DYNLT2B: variants seen among roughly 807,000 people sequenced by gnomAD.
DYNLT2B encodes the protein dynein light chain Tctex-type protein 2B.
In DYNLT2B, 14 loss-of-function variants were observed where a neutral mutation model predicts 19.5. The ratio of observed to expected loss-of-function variants is 0.72; its 90% CI spans 0.47 to 1.12. The LOEUF (loss-of-function observed/expected upper bound fraction) is 1.12. Ranked by LOEUF, DYNLT2B falls within the 50% of genes most tolerant of loss-of-function variation. The probability of loss-of-function intolerance (pLI) is 0.00; values close to 1 mark genes in which losing one functional copy is unlikely to be tolerated. For missense variants in DYNLT2B, 133 were observed against 174.7 expected (o/e 0.76, Z 1.35); for synonymous variants, 70 against 59.7 (o/e 1.17, Z -0.79).
In DYNLT2B at chr3:196,296,013, A is replaced by C; in HGVS notation, c.374T>G (p.Phe125Cys). The change falls in exon 4 of 5, where the codon TTC becomes TGC. Residue 125 changes from phenylalanine (F) to cysteine (C), a missense_variant. By Grantham distance (205) the Phe-to-Cys change is radical. Coordinates refer to ENST00000325318, the MANE Select transcript of DYNLT2B (RefSeq NM_152773.5). ...GTTTCCAAATACACTTACATTCATG[A>C]AAACATCATGAGTATAGTTGTCAGT... is the stretch of plus-strand genomic sequence containing the variant. The part of the protein sequence containing the change: ...ADTDNYTHDV[F>C]MNDSLFCVVA... The C allele has an allele frequency of 6.2e-7, 1 of 1,613,540 alleles. No individual in the cohort carries two copies. Among genetic ancestry groups the C allele is most frequent in the Non-Finnish European group, 8.5e-7 (1 of 1,179,652 alleles).
intron 2 of DYNLT2B, among the ~76,000 whole-genome samples, chr3:196,307,933 T>C (rs1305078028): frequency 6.6e-6 from 1 of 151,354 alleles, no homozygotes; most frequent in Non-Finnish European, 1.5e-5. Flanking sequence ...ATATAAAAAT[T>C]AGCCAGGCAT....
At chr3:196,307,344 C>A (rs747196805) in intron 2 of DYNLT2B, among the ~76,000 whole-genome samples, 8 of 152,058 alleles carry the variant, frequency 5.3e-5, no homozygotes, top group Non-Finnish European at 1.0e-4. Context: ...CTCTGTTGCC[C>A]AGGCTGGAGT....
intron 4 of DYNLT2B, among the ~76,000 whole-genome samples, chr3:196,293,337 A>AT (rs1208997891): frequency 1.3e-5 from 2 of 151,410 alleles, no homozygotes; most frequent in African/African-American, 4.8e-5. Flanking sequence ...CTAAAGATGC[A>AT]TTTTTTGGCC....
At chr3:196,306,247 CAAA>C (rs112341100) in intron 3 of DYNLT2B, among the ~76,000 whole-genome samples, 5 of 104,580 alleles carry the variant, frequency 4.8e-5, no homozygotes, top group African/African-American at 8.0e-5. Context: ...CCCATCTCTG[CAAA>C]AAAAAAAAAA....
rs754132702 is a variant in DYNLT2B at position 196,316,103 on chromosome 3, A to C, written c.242T>G (p.Leu81Ter). 6.2e-7 allele frequency: 1 copy of C among 1,613,122 alleles called. No homozygotes were observed. Among genetic ancestry groups the C allele is most frequent in the Non-Finnish European group, 8.5e-7 (1 of 1,179,426 alleles). The change falls in exon 2 of 5, where the codon TTA becomes TGA. Residue 81 changes from leucine (L) to a stop codon, truncating the protein, a stop_gained. Transcript: ENST00000325318. LOFTEE classifies it high-confidence loss of function. ...CCAGTTATCACCATGATTACCTTTT[A>C]ATTTATCTTTAATGTTTTCTGATAA... ...KHLSENIKDK[L>*]KEMGFDRYKM...
chr3:196,302,872 G>C (rs919672127), intron 3 of DYNLT2B, among the ~76,000 whole-genome samples: 2 of 151,870 alleles, frequency 1.3e-5, no homozygotes, highest in Non-Finnish European at 2.9e-5. Flanking sequence ...AACTAACTTG[G>C]GGGGAAACTT....
chr3:196,296,006 A>G lies in DYNLT2B; in HGVS notation c.381T>C (p.Asn127=). Residue 127 remains asparagine (N), a splice_region_variant and synonymous_variant, in exon 4 of 5, where the codon AAT becomes AAC. Coordinates refer to ENST00000325318, the MANE Select transcript of DYNLT2B (RefSeq NM_152773.5). ...TDNYTHDVFM[N]DSLFCVVAAF... ...AAAAGAGGTTTCCAAATACACTTAC[A>G]TTCATGAAAACATCATGAGTATAGT... The G allele has an allele frequency of 6.2e-7, 1 of 1,612,866 alleles. No individual in the cohort carries two copies. Among genetic ancestry groups the G allele is most frequent in the African/African-American group, 1.3e-5 (1 of 75,008 alleles).
chr3:196,315,746 C>G (rs1333305485), intron 2 of DYNLT2B, among the ~76,000 whole-genome samples: 1 of 152,150 alleles, frequency 6.6e-6, no homozygotes, highest in East Asian at 1.9e-4. Context: ...ATGGTGCATG[C>G]CTGTAATCCC....
chr3:196,318,075 C>A lies in DYNLT2B; in HGVS notation c.78G>T (p.Glu26Asp). Residue 26 changes from glutamate to aspartate, a missense_variant, in exon 1 of 5, where the codon GAG (glutamate) becomes GAT (aspartate). Coordinates refer to ENST00000325318, the MANE Select transcript of DYNLT2B (RefSeq NM_152773.5). Reference sequence around the variant, plus strand: ...AAACAGGCCGCAGAATATAGGTGTTCTCGGGCTCCCCTGCGTTCTTCTCAG... The same window carrying A: ...AAACAGGCCGCAGAATATAGGTGTTATCGGGCTCCCCTGCGTTCTTCTCAG... ...PEAEKNAGEPENTYILRPVFQ... is the reference protein window; with the variant it reads ...PEAEKNAGEPDNTYILRPVFQ... 1 of 1,565,106 alleles carries A rather than the reference C, an allele frequency of 6.4e-7. No individual in the cohort carries two copies. The highest frequency in any genetic ancestry group is 1.2e-5 in the South Asian group (1 of 85,110).
chr3:196,295,950 T>C (rs1047119270), intron 4 of DYNLT2B, 56 bp downstream of exon 4: 1 of 1,431,896 alleles, frequency 7.0e-7, no homozygotes, highest in Non-Finnish European at 9.8e-7. Context: ...GTAAATAGTT[T>C]GATTTGCGGT....
chr3:196,299,887 C>A (rs1726309687), intron 3 of DYNLT2B, among the ~76,000 whole-genome samples: 1 of 152,130 alleles, frequency 6.6e-6, no homozygotes, highest in African/African-American at 2.4e-5. Context: ...GCCGAGATGG[C>A]ACCACTGCAC....
intron 3 of DYNLT2B, among the ~76,000 whole-genome samples, chr3:196,297,067 C>G (rs1027641584): frequency 6.6e-6 from 1 of 151,762 alleles, no homozygotes; most frequent in Non-Finnish European, 1.5e-5. Context: ...GCGGCAGGCA[C>G]CAGTAGTCCC....
chr3:196,291,288 TTCATGG>T lies in DYNLT2B; in HGVS notation c.*33_*38del, dbSNP rs1261684369. ...AACAATATTAAAAAGTTCAGATTTC[TTCATGG>T]TCATGTCTTTTACCAGCTTTTCAAA... On this transcript the variant is annotated 3_prime_UTR_variant, in exon 5 of 5. Transcript: ENST00000325318. The T allele has an allele frequency of 6.3e-7, 1 of 1,578,216 alleles. No homozygotes were observed.
At chr3:196,294,822 G>A (rs1560185534) in intron 4 of DYNLT2B, among the ~76,000 whole-genome samples, 3 of 151,872 alleles carry the variant, frequency 2.0e-5, no homozygotes, top group Admixed American at 1.3e-4. Context: ...TGGAACCTCC[G>A]CCACCAGGTT....
chr3:196,296,218 T>C, intron 3 of DYNLT2B, 149 bp from the exon 4 acceptor site: 1 of 674,160 alleles, frequency 1.5e-6, no homozygotes, highest in Non-Finnish European at 2.6e-6. Flanking sequence ...AGTATTGTAT[T>C]TGTACCAGAG....
At chr3:196,300,056 T>G (rs1480976775) in intron 3 of DYNLT2B, among the ~76,000 whole-genome samples, 7 of 152,144 alleles carry the variant, frequency 4.6e-5, no homozygotes, top group Non-Finnish European at 8.8e-5. Flanking sequence ...GCTTTGAAAT[T>G]GGAGGAAACG....
At position 196,316,934 on chromosome 3, in the gene DYNLT2B, GGTGTGT is replaced by G. The variant is rs367746234; in HGVS notation, c.114-709_114-704del. Among the ~76,000 whole-genome samples the G allele has an allele frequency of 4.5e-3, 343 of 76,752 alleles. 13 individuals are homozygous for G. Among genetic ancestry groups the G allele is most frequent in the African/African-American group, 0.014 (325 of 23,692 alleles). 50.4% of individuals were successfully genotyped at this position (76,752 alleles called of 152,430 possible). ...TGTGTGGTGTGTGTGTGTGTTGTGT[GGTGTGT>G]GTGTGTGTGTGTAAAGTTAGTGATC... On this transcript the variant is annotated intron_variant, in intron 1 of 4. Coordinates refer to ENST00000325318, the MANE Select transcript of DYNLT2B (RefSeq NM_152773.5).
intron 3 of DYNLT2B, among the ~76,000 whole-genome samples, chr3:196,306,446 AAAAG>A (rs1017424828): frequency 3.3e-5 from 5 of 151,044 alleles, no homozygotes; most frequent in Admixed American, 1.3e-4. Context: ...AAAAAAAAAG[AAAAG>A]AAAGAAAACA....
At chr3:196,303,880 G>A (rs547318748) in intron 3 of DYNLT2B, among the ~76,000 whole-genome samples, 52 of 152,220 alleles carry the variant, frequency 3.4e-4, no homozygotes, top group African/African-American at 9.9e-4. Context: ...TAGGGAGTCC[G>A]GGTGCGGTAG....
Sources: allele counts gnomAD v4.1 joint callset (sites outside exome capture counted in the v4.1 genomes callset), GRCh38; gene constraint gnomAD v4.1.1; transcripts MANE v1.5; gene names NCBI Gene and HGNC (gene_info 2026-07-23, HGNC 2026-07-21).